Variants in PANK4 observed in about 807,000 individuals in gnomAD.
PANK4 encodes the protein pantothenate kinase 4 (inactive), also known as 4'-phosphopantetheine phosphatase.
PANK4 carries 40 observed loss-of-function variants against 87.9 expected under a neutral mutation model. That is an observed-to-expected ratio of 0.46 (90% CI 0.35 to 0.59). PANK4 has a LOEUF of 0.59. Among genes scored for constraint, PANK4 ranks in the 20% least tolerant of loss-of-function variants. PANK4 has a pLI of 0.00. For missense variants in PANK4, 926 were observed against 1,072.3 expected (o/e 0.86, Z 1.90); for synonymous variants, 524 against 467.4 (o/e 1.12, Z -1.56).
intron 1 of PANK4, among the ~76,000 whole-genome samples, chr1:2,522,550 G>C (rs1643883518): frequency 6.6e-6 from 1 of 152,076 alleles, no homozygotes; most frequent in South Asian, 2.1e-4. Flanking sequence ...GATTCTTGAA[G>C]AAGGCCTTTT....
At chr1:2,514,125 C>A (rs1643714750) in intron 11 of PANK4, 36 bp from the exon 12 acceptor site, 2 of 1,531,934 alleles carry the variant, frequency 1.3e-6, no homozygotes, top group East Asian at 2.3e-5. Flanking sequence ...CTGAGCAGGG[C>A]AGGCCGAACA....
chr1:2,508,889 C>T lies in PANK4; in HGVS notation c.2280G>A (p.Arg760=). ...CGTACTTGAAGATGACGCTGAAGAGCCGGCCGCCCAGCCGCTCGGCCAGCC... is the reference window on the plus strand; with the variant it reads ...CGTACTTGAAGATGACGCTGAAGAGTCGGCCGCCCAGCCGCTCGGCCAGCC... The part of the protein sequence containing the change: ...NAWLAERLGG[R]LFSVIFKYEV... Residue 760 remains arginine (R), a synonymous_variant, in exon 19 of 19, where the codon CGG becomes CGA. Transcript: ENST00000378466. This position sits in a 1 kb window ranked among gnomAD's most constrained non-coding sequence, Gnocchi z 5.1. The T allele has an allele frequency of 6.2e-7, 1 of 1,607,662 alleles. No homozygotes were observed.
chr1:2,514,527 C>T (rs532830201), intron 10 of PANK4, 61 bp from the exon 11 acceptor site: 50 of 786,064 alleles, frequency 6.4e-5, no homozygotes, highest in East Asian at 5.8e-4. Context: ...CGAATCCCCA[C>T]GTGACAGCAG....
Position 2,515,235 on chromosome 1 carries a change from T to G in PANK4, c.1374+327A>C. On this transcript the variant is annotated intron_variant, in intron 10 of 18. Transcript: ENST00000378466. The surrounding 1 kb of genome is among the most constrained non-coding windows in gnomAD (Gnocchi z 5.0). Reference sequence around the variant, plus strand: ...CACCCCCAGAGTCAGGGTCCCACAATGCCTCCCGCACCTCAGTCACACCTC... The same window carrying G: ...CACCCCCAGAGTCAGGGTCCCACAAGGCCTCCCGCACCTCAGTCACACCTC... 6.0e-6 allele frequency: 3 copies of G among 503,466 alleles called. No homozygotes were observed. The Admixed American group carries it at 7.0e-5, about 12-fold the overall frequency. The allele number at this position is 503,466 out of a possible 1,614,324, so 31.2% of individuals were successfully genotyped here. A position where few individuals can be genotyped will look rare whatever the true frequency, so the allele number is the denominator to read the frequency against.
chr1:2,515,207 C>A lies in PANK4; in HGVS notation c.1374+355G>T. On this transcript the variant is annotated intron_variant, in intron 10 of 18. Transcript: ENST00000378466. The surrounding 1 kb of genome is among the most constrained non-coding windows in gnomAD (Gnocchi z 5.0). ...GGGAGCTTGCTGGGGCTGAGTCTCACCCCACCCCCAGAGTCAGGGTCCCAC... is the reference window on the plus strand; with the variant it reads ...GGGAGCTTGCTGGGGCTGAGTCTCAACCCACCCCCAGAGTCAGGGTCCCAC... 2.2e-6 allele frequency: 1 copy of A among 449,358 alleles called. No individual in the cohort carries two copies. 27.8% of individuals were successfully genotyped at this position (449,358 alleles called of 1,614,324 possible). A position where few individuals can be genotyped will look rare whatever the true frequency, so the allele number is the denominator to read the frequency against.
chr1:2,513,650 A>G (rs2281853), intron 12 of PANK4, among the ~76,000 whole-genome samples: 51,290 of 152,102 alleles, frequency 0.34, 10,276 homozygotes, highest in African/African-American at 0.55. Flanking sequence ...GCAGTCCCCA[A>G]CCACAATCGC....
chr1:2,512,662 G>T, intron 13 of PANK4: 1 of 553,516 alleles, frequency 1.8e-6, no homozygotes, highest in Non-Finnish European at 3.2e-6. Flanking sequence ...CCATGCTTAA[G>T]GAAGGGGCCT....
In PANK4 at chr1:2,510,130, CG is replaced by C; in HGVS notation, c.1965del (p.Ala656ProfsTer2). Reference protein sequence around the residue: ...TEVILACNSGPALNDVTHSES... With the variant: ...TEVILACNSGXALNDVTHSES... ...TCGCTGTGGGTCACGTCGTTCAGGG[CG>C]GGGCCTGAGTTGCACGCCAGGATGA... On this transcript the variant is annotated frameshift_variant, in exon 17 of 19. Coordinates refer to ENST00000378466, the MANE Select transcript of PANK4 (RefSeq NM_018216.4). LOFTEE classifies it high-confidence loss of function. The surrounding 1 kb of genome is among the most constrained non-coding windows in gnomAD (Gnocchi z 4.9). 1 of 1,608,722 alleles carries C rather than the reference CG, an allele frequency of 6.2e-7. No homozygotes were observed. The highest frequency in any genetic ancestry group is 2.2e-5 in the East Asian group (1 of 44,586).
chr1:2,512,697 A>AGGGCGCTGCGCCCTGCCCAGCCCC (rs1643682118), intron 13 of PANK4, 191 bp downstream of exon 13: 2 of 607,418 alleles, frequency 3.3e-6, no homozygotes, highest in African/African-American at 3.7e-5. Context: ...GGGACAGACA[A>AGGGCGCTGCGCCCTGCCCAGCCCC]GGGCGCTGCG....
At chr1:2,525,826 C>G (rs1343491916) in intron 1 of PANK4, 1 of 152,278 alleles carries the variant, frequency 6.6e-6, no homozygotes, top group Non-Finnish European at 1.5e-5. Context: ...ACGGAAGGCA[C>G]GGGTGGCTTT....
Position 2,521,787 on chromosome 1 carries a change from G to A in PANK4, c.138C>T (p.Thr46=). ...RFAIDIGGSL[T]KLAYYSTVQH... ...GTACCGTTGAATAGTAGGCCAGCTT[G>A]GTTAACGACCCGCCTGCAGGGGAGA... The change falls in exon 2 of 19, where the codon ACC becomes ACT. Residue 46 remains threonine, a synonymous_variant. Transcript: ENST00000378466. The A allele has an allele frequency of 6.2e-7, 1 of 1,613,918 alleles. No homozygotes were observed.
chr1:2,516,811 C>T (rs868049419), intron 9 of PANK4, among the ~76,000 whole-genome samples: 49 of 152,268 alleles, frequency 3.2e-4, no homozygotes, highest in African/African-American at 2.4e-5. Flanking sequence ...CTGGTGCTGC[C>T]TTGCCAGGTC....
chr1:2,512,670 C>T (rs1448290004), intron 13 of PANK4: 2 of 560,184 alleles, frequency 3.6e-6, no homozygotes. Flanking sequence ...AAGGAAGGGG[C>T]CTCCTCAGAA....
chr1:2,517,669 C>G (rs1643806222), intron 9 of PANK4, among the ~76,000 whole-genome samples: 1 of 152,236 alleles, frequency 6.6e-6, no homozygotes, highest in Admixed American at 6.5e-5. Flanking sequence ...CCAGCTCAGG[C>G]CAGGGCAAAC....
intron 1 of PANK4, among the ~76,000 whole-genome samples, chr1:2,523,198 C>G (rs778163683): frequency 6.6e-6 from 1 of 152,204 alleles, no homozygotes; most frequent in Non-Finnish European, 1.5e-5. Flanking sequence ...GCAAAACCCA[C>G]CGTGTCCAGG....
Position 2,515,172 on chromosome 1 carries a change from T to G in PANK4, c.1374+390A>C. 2 of 396,448 alleles carry G rather than the reference T, an allele frequency of 5.0e-6. No individual in the cohort carries two copies. The highest frequency in any genetic ancestry group is 3.9e-5 in the South Asian group (2 of 51,828). The allele number at this position is 396,448 out of a possible 1,614,324, so 24.6% of individuals were successfully genotyped here. ...AAGGTGGGACGCAGGAGTCCCAAGGTGGCCTCGCCGGGAGCTTGCTGGGGC... is the reference window on the plus strand; with the variant it reads ...AAGGTGGGACGCAGGAGTCCCAAGGGGGCCTCGCCGGGAGCTTGCTGGGGC... On this transcript the variant is annotated intron_variant, in intron 10 of 18. Coordinates refer to ENST00000378466, the MANE Select transcript of PANK4 (RefSeq NM_018216.4). The surrounding 1 kb of genome is among the most constrained non-coding windows in gnomAD (Gnocchi z 5.0).
rs1046619740 is a variant in PANK4, at chr1:2,510,479, C to T, written c.1938+199G>A. On this transcript the variant is annotated intron_variant, in intron 16 of 18. Coordinates refer to ENST00000378466, the MANE Select transcript of PANK4 (RefSeq NM_018216.4). The surrounding 1 kb of genome is among the most constrained non-coding windows in gnomAD (Gnocchi z 4.9). ...CAACCCTGGGCTTCAGCACATGGAC[C>T]CTCAGCCTGAGCCCAGGGGGCTCGG... The T allele has an allele frequency of 3.3e-6, 2 of 604,754 alleles. No homozygotes were observed. The highest frequency in any genetic ancestry group is 1.9e-5 in the African/African-American group (1 of 53,854). 37.5% of individuals were successfully genotyped at this position (604,754 alleles called of 1,614,324 possible).
Position 2,526,562 on chromosome 1 carries a change from C to G in PANK4, c.26G>C (p.Ser9Thr). Residue 9 changes from serine (S) to threonine (T), a missense_variant, in exon 1 of 19, where the codon AGC becomes ACC. Transcript: ENST00000378466. MAECGASG[S>T]GSSGDSLDKS... ...GTCCAGACTGTCCCCGCTGCTCCCGCTGCCGCTCGCTCCACACTCCGCCAT... is the reference window on the plus strand; with the variant it reads ...GTCCAGACTGTCCCCGCTGCTCCCGGTGCCGCTCGCTCCACACTCCGCCAT... 1.9e-6 allele frequency: 3 copies of G among 1,602,628 alleles called. No individual in the cohort carries two copies. Among genetic ancestry groups the G allele is most frequent in the Non-Finnish European group, 2.6e-6 (3 of 1,175,222 alleles).
Position 2,518,188 on chromosome 1 carries a change from C to T in PANK4, c.1194G>A (p.Pro398=), listed in dbSNP as rs761981794. ...GLMSASPELG[P]AQRARSGTFD... Reference sequence around the variant, plus strand: ...CAGTGCCACTCCGCGCCCGCTGCGCCGGGCCGAGCTCGGGTGATGCACTCA... The same window carrying T: ...CAGTGCCACTCCGCGCCCGCTGCGCTGGGCCGAGCTCGGGTGATGCACTCA... Residue 398 remains proline, a synonymous_variant, in exon 9 of 19, where the codon CCG becomes CCA. Transcript: ENST00000378466. 9.9e-6 allele frequency: 16 copies of T among 1,609,126 alleles called. No individual in the cohort carries two copies. The East Asian group carries it at 2.2e-4, about 22-fold the overall frequency.
Sources: allele counts gnomAD v4.1 joint callset (sites outside exome capture counted in the v4.1 genomes callset), GRCh38; gene constraint gnomAD v4.1.1; non-coding constraint Gnocchi (gnomAD v3.1); transcripts MANE v1.5; gene names NCBI Gene and HGNC (gene_info 2026-07-23, HGNC 2026-07-21).